ZNF681: variants seen among roughly 807,000 people sequenced by gnomAD.
The protein encoded by ZNF681 is hypothetical protein FLJ31526.
Under a neutral mutation model 56.0 loss-of-function variants are expected in ZNF681, and 37 were observed. The observed-to-expected ratio is 0.66, with a 90% CI of 0.51 to 0.87. The LOEUF is 0.87. ZNF681 is among the 40% of genes least tolerant of loss of function. The pLI is 0.00. For synonymous variants in ZNF681, 225 were observed against 248.6 expected, an observed-to-expected ratio of 0.91 and a Z score of 0.89; for missense variants, 741 against 744.9, an observed-to-expected ratio of 0.99 and a Z score of 0.06.
At chr19:23,755,397 A>C in intron 2 of ZNF681, 28 bp downstream of exon 2, 1 of 1,594,686 alleles carries the variant, frequency 6.3e-7, no homozygotes, top group Non-Finnish European at 8.5e-7. Flanking sequence ...AGGGTATAAT[A>C]GGAATTGTAT....
At position 23,758,741 on chromosome 19, in the gene ZNF681, T is replaced by A; in HGVS notation, c.3+6A>T. 6.2e-7 allele frequency: 1 copy of A among 1,614,202 alleles called. No individual in the cohort carries two copies. The highest frequency in any genetic ancestry group is 1.1e-5 in the South Asian group (1 of 91,084). The stretch of plus-strand genomic sequence containing the variant: ...TCTCTCGGGATGTCGGACCCGACAT[T>A]CTCACCATTTCTAGGTTTCCGGGGG... On this transcript the variant is annotated splice_donor_region_variant and intron_variant, in intron 1 of 3. Coordinates refer to ENST00000402377, the MANE Select transcript of ZNF681 (RefSeq NM_138286.3).
chr19:23,755,496 C>T lies in ZNF681; in HGVS notation c.59G>A (p.Cys20Tyr). ...TAAATTCTGCTGTATAGTGTCCAGG[C>T]ATTGCCACTCCTCCAGAGAGAATTC... ...AIEFSLEEWQ[C>Y]LDTIQQNLYR... Residue 20 changes from cysteine (C) to tyrosine (Y), a missense_variant, in exon 2 of 4, where the codon TGC (cysteine) becomes TAC (tyrosine). Coordinates refer to ENST00000402377, the MANE Select transcript of ZNF681 (RefSeq NM_138286.3). The T allele has an allele frequency of 6.2e-7, 1 of 1,609,928 alleles. No homozygotes were observed. Among genetic ancestry groups the T allele is most frequent in the South Asian group, 1.1e-5 (1 of 90,932 alleles).
At position 23,744,345 on chromosome 19, in the gene ZNF681, G is replaced by A. The variant is rs901009041; in HGVS notation, c.1205C>T (p.Ala402Val). 1 of 1,613,710 alleles carries A rather than the reference G, an allele frequency of 6.2e-7. No homozygotes were observed. The highest frequency in any genetic ancestry group is 8.5e-7 in the Non-Finnish European group (1 of 1,179,958). The change falls in exon 4 of 4, where the codon GCT (alanine) becomes GTT (valine). Residue 402 changes from alanine to valine, a missense_variant. Physicochemically the swap from Ala to Val is moderately conservative, Grantham distance 64. Coordinates refer to ENST00000402377, the MANE Select transcript of ZNF681 (RefSeq NM_138286.3). ...KPYKCEECGK[A>V]FNKSSHLTRH... ...AGTAAGGTGTGAGGACTTGTTAAAA[G>A]CTTTGCCACATTCTTCACATTTGTA...
chr19:23,739,208 T>TA lies in ZNF681; in HGVS notation c.*4403dup, dbSNP rs1249547228. On this transcript the variant is annotated 3_prime_UTR_variant, in exon 4 of 4. Transcript: ENST00000402377. ...AATGGAATACTATTCATCTTTAAAA[T>TA]AAAAAAATTTATTATTTTCAATTAC... 1 of 151,920 alleles carries TA rather than the reference T, an allele frequency of 6.6e-6. No homozygotes were observed. Among genetic ancestry groups the TA allele is most frequent in the Non-Finnish European group, 1.5e-5 (1 of 67,954 alleles). The allele number at this position is 151,920 out of a possible 1,614,324, so 9.4% of individuals were successfully genotyped here. A position where few individuals can be genotyped will look rare whatever the true frequency, so the allele number is the denominator to read the frequency against.
At chr19:23,754,297 T>C (rs562998800) in intron 3 of ZNF681, among the ~76,000 whole-genome samples, 2 of 152,282 alleles carry the variant, frequency 1.3e-5, no homozygotes, top group African/African-American at 4.8e-5. Flanking sequence ...AGAAGGCAGA[T>C]CACTGAAGGG....
chr19:23,758,764 G>A lies in ZNF681; in HGVS notation c.-15C>T. ...ATTCTCACCATTTCTAGGTTTCCGG[G>A]GGACCTGGCGTCTTAGCTATGGATC... is the stretch of plus-strand genomic sequence containing the variant. On this transcript the variant is annotated 5_prime_UTR_variant, in exon 1 of 4. Coordinates refer to ENST00000402377, the MANE Select transcript of ZNF681 (RefSeq NM_138286.3). The A allele has an allele frequency of 1.2e-6, 2 of 1,614,208 alleles. No homozygotes were observed. Among genetic ancestry groups the A allele is most frequent in the African/African-American group, 1.3e-5 (1 of 75,064 alleles).
In ZNF681 at chr19:23,744,841, G is replaced by C. The variant is rs539433344; in HGVS notation, c.709C>G (p.Gln237Glu). The change falls in exon 4 of 4, where the codon CAG becomes GAG. Residue 237 changes from glutamine (Q) to glutamate (E), a missense_variant. Gln to Glu is a conservative substitution (Grantham distance 29). Coordinates refer to ENST00000402377, the MANE Select transcript of ZNF681 (RefSeq NM_138286.3). ...ICEECGKACN[Q>E]FTNLTTHKII... is the part of the protein sequence containing the mutation. ...TTATGTGTAGTAAGGTTTGTGAACTGGTTACAGGCTTTGCCACATTCTTCA... is the reference window on the plus strand; with the variant it reads ...TTATGTGTAGTAAGGTTTGTGAACTCGTTACAGGCTTTGCCACATTCTTCA... 1 of 1,613,446 alleles carries C rather than the reference G, an allele frequency of 6.2e-7. No homozygotes were observed. The highest frequency in any genetic ancestry group is 8.5e-7 in the Non-Finnish European group (1 of 1,179,790).
chr19:23,751,073 G>A (rs1969021758), intron 3 of ZNF681, among the ~76,000 whole-genome samples: 1 of 141,132 alleles, frequency 7.1e-6, no homozygotes, highest in Non-Finnish European at 1.5e-5. Flanking sequence ...AGGTTGCAGT[G>A]AGCCAAGACT....
At chr19:23,748,089 C>T (rs967606279) in intron 3 of ZNF681, among the ~76,000 whole-genome samples, 1 of 152,026 alleles carries the variant, frequency 6.6e-6, no homozygotes. Context: ...TTGTTCTTGG[C>T]ACCATTTTTT....
At chr19:23,754,089 C>T (rs771426053) in intron 3 of ZNF681, among the ~76,000 whole-genome samples, 1 of 149,478 alleles carries the variant, frequency 6.7e-6, no homozygotes, top group African/African-American at 2.5e-5. Context: ...TATAGTAATA[C>T]AAACAGGACG....
At position 23,754,999 on chromosome 19, in the gene ZNF681, T is replaced by C; in HGVS notation, c.131-81A>G. Reference sequence around the variant, plus strand: ...ATGGCAATGTAGTCAGTAAAGAGGGTGAAATAGAATATTCTTGTAAATCAA... The same window carrying C: ...ATGGCAATGTAGTCAGTAAAGAGGGCGAAATAGAATATTCTTGTAAATCAA... On this transcript the variant is annotated intron_variant, in intron 2 of 3. Coordinates refer to ENST00000402377, the MANE Select transcript of ZNF681 (RefSeq NM_138286.3). The C allele has an allele frequency of 3.1e-6, 3 of 976,470 alleles. No homozygotes were observed. The East Asian group carries it at 7.6e-5, about 25-fold the overall frequency. The allele number at this position is 976,470 out of a possible 1,614,324, so 60.5% of individuals were successfully genotyped here. A position where few individuals can be genotyped will look rare whatever the true frequency, so the allele number is the denominator to read the frequency against.
rs1397278361 is a variant in ZNF681, at chr19:23,739,826, A to G, written c.*3786T>C. 6.6e-6 allele frequency: 1 copy of G among 152,150 alleles called. No homozygotes were observed. The highest frequency in any genetic ancestry group is 6.6e-5 in the Admixed American group (1 of 15,266). 9.4% of individuals were successfully genotyped at this position (152,150 alleles called of 1,614,324 possible). On this transcript the variant is annotated 3_prime_UTR_variant, in exon 4 of 4. Coordinates refer to ENST00000402377, the MANE Select transcript of ZNF681 (RefSeq NM_138286.3). Reference sequence around the variant, plus strand: ...TGTAGACTGAACTTCACCCACTAAAAAAACATATAAAACTGAGAAAATTTC... The same window carrying G: ...TGTAGACTGAACTTCACCCACTAAAGAAACATATAAAACTGAGAAAATTTC...
In ZNF681 at chr19:23,758,881, A is replaced by T; in HGVS notation, c.-132T>A. The T allele has an allele frequency of 7.7e-7, 1 of 1,303,866 alleles. No homozygotes were observed. Among genetic ancestry groups the T allele is most frequent in the Non-Finnish European group, 1.1e-6 (1 of 929,716 alleles). 80.8% of individuals were successfully genotyped at this position (1,303,866 alleles called of 1,614,324 possible). ...AAGACGAGACCCGGAGCTCGGGCTGAAGGGAGAGACAAAGGCCCCGCCAAT... is the reference window on the plus strand; with the variant it reads ...AAGACGAGACCCGGAGCTCGGGCTGTAGGGAGAGACAAAGGCCCCGCCAAT... On this transcript the variant is annotated 5_prime_UTR_variant, in exon 1 of 4. Coordinates refer to ENST00000402377, the MANE Select transcript of ZNF681 (RefSeq NM_138286.3).
chr19:23,747,682 C>T (rs1383495810), intron 3 of ZNF681, among the ~76,000 whole-genome samples: 3 of 145,202 alleles, frequency 2.1e-5, no homozygotes, highest in African/African-American at 5.0e-5. Flanking sequence ...ACAAGTTTTA[C>T]AAGAATATTG....
Position 23,743,852 on chromosome 19 carries a change from T to C in ZNF681, c.1698A>G (p.Glu566=), listed in dbSNP as rs535443884. 5.0e-5 allele frequency: 80 copies of C among 1,613,142 alleles called. 1 individual carries two copies. The South Asian group carries it at 8.6e-4, about 17-fold the overall frequency. ...HTGEKPYQCE[E]CGKAFNQSSH... is the part of the protein sequence containing the mutation. The stretch of plus-strand genomic sequence containing the variant: ...AGGACTGGTTAAAGGCTTTACCACA[T>C]TCTTCACATTGGTAGGGTTTCTCTC... Residue 566 remains glutamate, a synonymous_variant, in exon 4 of 4, where the codon GAA becomes GAG. Coordinates refer to ENST00000402377, the MANE Select transcript of ZNF681 (RefSeq NM_138286.3).
At position 23,742,824 on chromosome 19, in the gene ZNF681, A is replaced by T; in HGVS notation, c.*788T>A. The T allele has an allele frequency of 6.6e-6, 1 of 152,150 alleles. No homozygotes were observed. Among genetic ancestry groups the T allele is most frequent in the Non-Finnish European group, 1.5e-5 (1 of 68,018 alleles). The allele number at this position is 152,150 out of a possible 1,614,324, so 9.4% of individuals were successfully genotyped here. A position where few individuals can be genotyped will look rare whatever the true frequency, so the allele number is the denominator to read the frequency against. On this transcript the variant is annotated 3_prime_UTR_variant, in exon 4 of 4. Transcript: ENST00000402377. Reference sequence around the variant, plus strand: ...AATGACATTATTCACTTTTCATAAAACCTAATTTTTTTCAAAGGATAGTTT... The same window carrying T: ...AATGACATTATTCACTTTTCATAAATCCTAATTTTTTTCAAAGGATAGTTT...
In ZNF681 at chr19:23,742,829, A is replaced by AT. The variant is rs1367102092; in HGVS notation, c.*782dup. The AT allele has an allele frequency of 2.6e-5, 4 of 152,128 alleles. No individual in the cohort carries two copies. The highest frequency in any genetic ancestry group is 5.9e-5 in the Non-Finnish European group (4 of 68,032). The allele number at this position is 152,128 out of a possible 1,614,324, so 9.4% of individuals were successfully genotyped here. On this transcript the variant is annotated 3_prime_UTR_variant, in exon 4 of 4. Coordinates refer to ENST00000402377, the MANE Select transcript of ZNF681 (RefSeq NM_138286.3). ...CATTATTCACTTTTCATAAAACCTA[A>AT]TTTTTTTCAAAGGATAGTTTGAATG... is the stretch of plus-strand genomic sequence containing the variant.
At chr19:23,747,577 T>G (rs1241968145) in intron 3 of ZNF681, among the ~76,000 whole-genome samples, 1 of 146,176 alleles carries the variant, frequency 6.8e-6, no homozygotes, top group Non-Finnish European at 1.5e-5. Flanking sequence ...GAGGCGGAGC[T>G]TGCACTGAGC....
intron 1 of ZNF681, among the ~76,000 whole-genome samples, chr19:23,755,919 A>G (rs1324793731): frequency 2.0e-5 from 3 of 152,188 alleles, no homozygotes; most frequent in Admixed American, 6.6e-5. Flanking sequence ...TAGTTCAACC[A>G]TTGTGGAAGA....
Sources: allele counts gnomAD v4.1 joint callset (sites outside exome capture counted in the v4.1 genomes callset), GRCh38; gene constraint gnomAD v4.1.1; transcripts MANE v1.5; gene names NCBI Gene and HGNC (gene_info 2026-07-23, HGNC 2026-07-21).